Variants in PCDH19 observed in about 807,000 individuals in gnomAD.
PCDH19 encodes the protein protocadherin-19.
Under a neutral mutation model 46.2 loss-of-function variants are expected in PCDH19, and 6 were observed. The observed-to-expected ratio is 0.13, with a 90% confidence interval of 0.07 to 0.26. The LOEUF is 0.26. PCDH19 is among the 10% of genes least tolerant of loss of function. The pLI, the probability that PCDH19 is intolerant of heterozygous loss-of-function variation, is 1.00. For synonymous variants in PCDH19, 481 were observed against 415.7 expected (o/e 1.16, Z -1.91); for missense variants, 740 against 972.3 (o/e 0.76, Z 3.18).
intron 3 of PCDH19, among the ~76,000 whole-genome samples, chrX:100,373,387 A>G (rs747465261): frequency 1.6e-4 from 18 of 113,078 alleles, no homozygotes; most frequent in African/African-American, 5.4e-4. Context: ...CCTTTTGTGA[A>G]CAACATTTAC....
intron 5 of PCDH19, among the ~76,000 whole-genome samples, chrX:100,318,675 T>C (rs933897937): frequency 1.8e-5 from 2 of 111,825 alleles, no homozygotes; most frequent in Non-Finnish European, 3.8e-5. Context: ...AAATGGAACA[T>C]GGACCAGGTA....
At chrX:100,364,631 T>C (rs1263422627) in intron 3 of PCDH19, among the ~76,000 whole-genome samples, 1 of 111,709 alleles carries the variant, frequency 9.0e-6, no homozygotes, top group Non-Finnish European at 1.9e-5. Flanking sequence ...GTTGCTTAGT[T>C]ATATCTCACC....
At chrX:100,399,611 C>A (rs1229785133) in intron 3 of PCDH19, among the ~76,000 whole-genome samples, 1 of 111,256 alleles carries the variant, frequency 9.0e-6, no homozygotes, top group African/African-American at 3.3e-5. Context: ...AAAGAAGTGT[C>A]ATTTTCCCTA....
chrX:100,308,281 G>A (rs1925014289), intron 5 of PCDH19, among the ~76,000 whole-genome samples: 1 of 111,007 alleles, frequency 9.0e-6, no homozygotes, highest in Non-Finnish European at 1.9e-5. Context: ...AAAACAAAGT[G>A]GGGGAAAGAC....
chrX:100,298,526 A>G (rs1275280026), intron 5 of PCDH19, among the ~76,000 whole-genome samples: 1 of 112,071 alleles, frequency 8.9e-6, no homozygotes, highest in Non-Finnish European at 1.9e-5. Flanking sequence ...AGAATTTTGT[A>G]CAGTGGAACC....
At chrX:100,371,849 TAC>T (rs56125276) in intron 3 of PCDH19, among the ~76,000 whole-genome samples, 971 of 80,706 alleles carry the variant, frequency 0.012, 7 homozygotes, top group East Asian at 0.05. Context: ...CAAATGACTA[TAC>T]ACACACACAC....
intron 5 of PCDH19, among the ~76,000 whole-genome samples, chrX:100,310,813 G>C (rs980188657): frequency 2.8e-5 from 3 of 107,629 alleles, no homozygotes; most frequent in Non-Finnish European, 5.8e-5. Context: ...TAGGATGACA[G>C]AGCCTTTACA....
intron 3 of PCDH19, among the ~76,000 whole-genome samples, chrX:100,394,363 G>A (rs1332201234): frequency 1.8e-5 from 2 of 111,894 alleles, no homozygotes; most frequent in African/African-American, 6.5e-5. Flanking sequence ...ATTCTGAAAA[G>A]TGATTTTTCT....
intron 3 of PCDH19, among the ~76,000 whole-genome samples, chrX:100,356,845 G>A (rs1314277070): frequency 9.1e-6 from 1 of 110,346 alleles, no homozygotes; most frequent in Admixed American, 9.7e-5. Flanking sequence ...TGGTATAGTG[G>A]GGACAGCTGG....
chrX:100,334,708 CT>C (rs1475151186), intron 5 of PCDH19, among the ~76,000 whole-genome samples: 1 of 109,472 alleles, frequency 9.1e-6, no homozygotes, highest in Non-Finnish European at 1.9e-5. Flanking sequence ...GTCAATCACT[CT>C]TTTTAGAGAC....
rs759085956 is a variant in PCDH19 at position 100,406,757 on chromosome X, A to C, written c.1841T>G (p.Phe614Cys). 7 of 1,211,530 alleles carry C rather than the reference A, an allele frequency of 5.8e-6. No individual in the cohort carries two copies. The Admixed American group carries it at 1.5e-4, about 26-fold the overall frequency. Reference protein sequence around the residue: ...TYDMTEGDRGFFEIDQVNGEV... With the variant: ...TYDMTEGDRGCFEIDQVNGEV... The stretch of plus-strand genomic sequence containing the variant: ...GCCATTGACCTGGTCTATTTCAAAG[A>C]AGCCGCGGTCGCCCTCGGTCATGTC... Residue 614 changes from phenylalanine to cysteine, a missense_variant, in exon 1 of 6, where the codon TTC becomes TGC. Phe to Cys is a radical substitution (Grantham distance 205). Around this residue, in one of 5 missense-constraint regions of PCDH19, gnomAD observed 416 missense variants for 476.8 expected, o/e 0.87. Transcript: ENST00000373034.
intron 5 of PCDH19, among the ~76,000 whole-genome samples, chrX:100,316,437 T>A (rs1925307873): frequency 8.9e-6 from 1 of 112,105 alleles, no homozygotes; most frequent in Non-Finnish European, 1.9e-5. Flanking sequence ...AGTACCTTTG[T>A]GTTAGCTATC....
chrX:100,329,830 TG>T (rs1038885716), intron 5 of PCDH19, among the ~76,000 whole-genome samples: 10 of 111,570 alleles, frequency 9.0e-5, no homozygotes, highest in Non-Finnish European at 1.7e-4. Context: ...GAGAATCTCT[TG>T]AACCCAGGAG....
intron 5 of PCDH19, among the ~76,000 whole-genome samples, chrX:100,333,147 A>G (rs868780627): frequency 6.8e-4 from 34 of 49,946 alleles, no homozygotes; most frequent in Admixed American, 3.8e-3. Context: ...GGAAGGAAGG[A>G]AGGAAGGAAG....
intron 5 of PCDH19, among the ~76,000 whole-genome samples, chrX:100,335,812 G>C (rs1926067152): frequency 9.0e-6 from 1 of 111,703 alleles, no homozygotes; most frequent in African/African-American, 3.3e-5. Context: ...TCTGTTCATG[G>C]TTTATTCCTG....
At chrX:100,399,574 G>A (rs890468197) in intron 3 of PCDH19, among the ~76,000 whole-genome samples, 2 of 111,537 alleles carry the variant, frequency 1.8e-5, no homozygotes, top group East Asian at 2.8e-4. Flanking sequence ...GTATTCCACC[G>A]AGTCCAGTGG....
At chrX:100,314,716 C>T (rs1273801129) in intron 5 of PCDH19, among the ~76,000 whole-genome samples, 5 of 111,554 alleles carry the variant, frequency 4.5e-5, no homozygotes, top group African/African-American at 1.3e-4. Flanking sequence ...TGCAGGTTGT[C>T]AGCTCCCCCA....
intron 3 of PCDH19, among the ~76,000 whole-genome samples, chrX:100,360,298 G>A (rs1602606374): frequency 8.9e-6 from 1 of 112,286 alleles, no homozygotes; most frequent in African/African-American, 3.2e-5. Context: ...GCTCAAGCCC[G>A]TAAAATGTGA....
At chrX:100,378,980 G>A (rs759336630) in intron 3 of PCDH19, among the ~76,000 whole-genome samples, 8 of 111,620 alleles carry the variant, frequency 7.2e-5, no homozygotes, top group Non-Finnish European at 1.3e-4. Context: ...AGCCAGAGAT[G>A]TGGGAGGCAG....
Sources: gnomAD v4.1 joint callset for allele counts (sites outside exome capture counted in the v4.1 genomes callset) on GRCh38, gnomAD v4.1.1 for gene constraint, gnomAD v4.1.1 regional missense constraint, MANE v1.5 for transcripts, NCBI Gene and HGNC (gene_info 2026-07-23, HGNC 2026-07-21) for gene names.